Variants in RYR3 observed in about 807,000 individuals in gnomAD.
RYR3 encodes ryanodine receptor 3.
In RYR3, 207 loss-of-function variants were observed where a neutral mutation model predicts 584.3. The observed-to-expected ratio is 0.35, with a 90% confidence interval of 0.32 to 0.40. RYR3 has a LOEUF of 0.40. Among genes scored for constraint, RYR3 ranks in the 10% least tolerant of loss-of-function variants. The probability of loss-of-function intolerance (pLI) is 1.00; values close to 1 mark genes in which losing one functional copy is unlikely to be tolerated. For missense variants in RYR3, 5,616 were observed against 6,089.2 expected (o/e 0.92, Z 2.59); for synonymous variants, 2,416 against 2,248.5 (o/e 1.07, Z -2.11).
At position 33,662,341 on chromosome 15, in the gene RYR3, C is replaced by T. The variant is rs764730525; in HGVS notation, c.4811C>T (p.Ser1604Phe). ...DNKYLPGLLR[S>F]GFYDLLISIH... The stretch of plus-strand genomic sequence containing the variant: ...AAGTACCTCCCCGGCCTCCTTCGAT[C>T]TGGTTTCTATGACCTGCTCATCAGC... The change falls in exon 35 of 104, where the codon TCT (serine) becomes TTT (phenylalanine). Residue 1604 changes from serine to phenylalanine, a missense_variant. Physicochemically the swap from Ser to Phe is radical, Grantham distance 155 (BLOSUM62 -2). Around this residue, in one of 9 missense-constraint regions of RYR3, gnomAD observed 753 missense variants for 741.0 expected, o/e 1.02. Transcript: ENST00000634891. 2 of 1,612,630 alleles carry T rather than the reference C, an allele frequency of 1.2e-6. No homozygotes were observed. The highest frequency in any genetic ancestry group is 1.3e-5 in the African/African-American group (1 of 75,038).
chr15:33,779,450 CTATTG>C (rs2074245120), intron 64 of RYR3, among the ~76,000 whole-genome samples: 1 of 152,022 alleles, frequency 6.6e-6, no homozygotes, highest in South Asian at 2.1e-4. Context: ...GTTTTAGGAC[CTATTG>C]TTTCTGTTGT....
At chr15:33,486,741 T>C (rs1341667431) in intron 2 of RYR3, among the ~76,000 whole-genome samples, 1 of 152,206 alleles carries the variant, frequency 6.6e-6, no homozygotes, top group African/African-American at 2.4e-5. Flanking sequence ...AAACCAGTGC[T>C]GAGCAGCAGA....
intron 10 of RYR3, among the ~76,000 whole-genome samples, chr15:33,561,825 G>T (rs2057418076): frequency 6.6e-6 from 1 of 151,898 alleles, no homozygotes; most frequent in Non-Finnish European, 1.5e-5. Context: ...ACTTGAGCCT[G>T]GGGGCAGAGG....
At chr15:33,624,511 A>AT (rs2060885614) in intron 20 of RYR3, among the ~76,000 whole-genome samples, 1 of 152,192 alleles carries the variant, frequency 6.6e-6, no homozygotes, top group Non-Finnish European at 1.5e-5. Flanking sequence ...TGGTATAAAT[A>AT]AGGGCCTAGA....
chr15:33,817,231 G>T (rs780101963), intron 75 of RYR3, among the ~76,000 whole-genome samples: 1 of 152,142 alleles, frequency 6.6e-6, no homozygotes, highest in Non-Finnish European at 1.5e-5. Context: ...GTCATGGGGG[G>T]TTCATGCTAA....
In RYR3 at chr15:33,757,767, G is replaced by A. The variant is rs944648012; in HGVS notation, c.8705+171G>A. 19 of 695,064 alleles carry A rather than the reference G, an allele frequency of 2.7e-5. No individual in the cohort carries two copies. The East Asian group carries it at 5.2e-4, about 19-fold the overall frequency. 43.1% of individuals were successfully genotyped at this position (695,064 alleles called of 1,614,324 possible). ...ATTCATACATATCTGAATTATTTCA[G>A]CAACCAATTGAGGTATACTGTGTGG... On this transcript the variant is annotated intron_variant, in intron 60 of 103. Coordinates refer to ENST00000634891, the MANE Select transcript of RYR3 (RefSeq NM_001036.6).
chr15:33,578,813 G>A (rs540209954), intron 12 of RYR3, among the ~76,000 whole-genome samples: 1 of 151,448 alleles, frequency 6.6e-6, no homozygotes, highest in Non-Finnish European at 1.5e-5. Flanking sequence ...GATGTTACTT[G>A]CACATTGAGC....
intron 1 of RYR3, among the ~76,000 whole-genome samples, chr15:33,408,138 C>T (rs1380178752): frequency 6.6e-6 from 1 of 152,026 alleles, no homozygotes; most frequent in Non-Finnish European, 1.5e-5. Context: ...GAGCATAGTA[C>T]CCAATAGATT....
At chr15:33,608,730 A>G (rs2060026496) in intron 18 of RYR3, among the ~76,000 whole-genome samples, 1 of 152,212 alleles carries the variant, frequency 6.6e-6, no homozygotes, top group Non-Finnish European at 1.5e-5. Context: ...CAGCCTATGG[A>G]TTCAATTTGC....
chr15:33,772,187 G>A, intron 63 of RYR3, 29 bp downstream of exon 63: 1 of 1,473,312 alleles, frequency 6.8e-7, no homozygotes, highest in Admixed American at 1.7e-5. Context: ...TGTCGTGGAT[G>A]TATGTGCACA....
intron 94 of RYR3, chr15:33,851,223 A>T (rs1239022588): frequency 6.6e-6 from 1 of 152,202 alleles, no homozygotes; most frequent in East Asian, 1.9e-4. Context: ...TACCTGATAC[A>T]CAAGTTGAAG....
At chr15:33,843,669 T>A in intron 92 of RYR3, 95 bp downstream of exon 92, 2 of 887,432 alleles carry the variant, frequency 2.3e-6, no homozygotes, top group Non-Finnish European at 3.5e-6. Flanking sequence ...TGCTCTTAAT[T>A]GTAGCAAACA....
chr15:33,348,666 A>G (rs564488356), intron 1 of RYR3, among the ~76,000 whole-genome samples: 9 of 151,990 alleles, frequency 5.9e-5, no homozygotes, highest in East Asian at 1.9e-4. Flanking sequence ...AGTAGAGACA[A>G]GGTTTCAGCA....
intron 94 of RYR3, chr15:33,850,405 A>C (rs2079020348): frequency 6.6e-6 from 1 of 152,290 alleles, no homozygotes; most frequent in South Asian, 2.1e-4. Flanking sequence ...AAGGCAGTTC[A>C]ATTTCTAGCA....
intron 64 of RYR3, among the ~76,000 whole-genome samples, chr15:33,779,759 T>C (rs561397382): frequency 1.3e-5 from 2 of 152,002 alleles, no homozygotes; most frequent in Non-Finnish European, 2.9e-5. Context: ...TCCCAGCACT[T>C]TGGGAGGCCG....
At chr15:33,408,406 T>G (rs1465608291) in intron 1 of RYR3, among the ~76,000 whole-genome samples, 1 of 152,252 alleles carries the variant, frequency 6.6e-6, no homozygotes, top group Non-Finnish European at 1.5e-5. Context: ...AGTCCACTAC[T>G]GATGGGCACC....
chr15:33,668,514 A>G (rs1481868354), intron 36 of RYR3, among the ~76,000 whole-genome samples: 4 of 152,248 alleles, frequency 2.6e-5, no homozygotes, highest in African/African-American at 9.6e-5. Flanking sequence ...AATTTATGAA[A>G]TACAAAATAA....
At chr15:33,318,008 A>G (rs1968436290) in intron 1 of RYR3, among the ~76,000 whole-genome samples, 1 of 152,218 alleles carries the variant, frequency 6.6e-6, no homozygotes, top group African/African-American at 2.4e-5. Context: ...GCCCAAGAAG[A>G]AGGAAAGCAA....
At chr15:33,700,864 G>A in intron 41 of RYR3, 113 bp from the exon 42 acceptor site, 1 of 658,948 alleles carries the variant, frequency 1.5e-6, no homozygotes, top group South Asian at 2.0e-5. Flanking sequence ...ATGTAAGCCA[G>A]GTTTCAGTGT....
Sources: allele counts gnomAD v4.1 joint callset (sites outside exome capture counted in the v4.1 genomes callset), GRCh38; gene constraint gnomAD v4.1.1; regional missense constraint gnomAD v4.1.1; transcripts MANE v1.5; gene names NCBI Gene and HGNC (gene_info 2026-07-23, HGNC 2026-07-21).